TRPM1: variants seen among roughly 807,000 people sequenced by gnomAD.
TRPM1 encodes transient receptor potential cation channel subfamily M member 1.
In TRPM1, 113 loss-of-function variants were observed where a neutral mutation model predicts 149.4. The ratio of observed to expected loss-of-function variants is 0.76; its 90% CI spans 0.65 to 0.88. The LOEUF is 0.88. Ranked by LOEUF, TRPM1 falls within the 40% of genes least tolerant of loss-of-function variation. The probability of loss-of-function intolerance (pLI) is 0.00; values close to 1 mark genes in which losing one functional copy is unlikely to be tolerated. For synonymous variants in TRPM1, 741 were observed against 759.5 expected (o/e 0.98, Z 0.40); for missense variants, 1,976 against 2,038.7 (o/e 0.97, Z 0.59).
chr15:31,025,149 G>C (rs7182143), intron 27 of TRPM1, among the ~76,000 whole-genome samples: 1 of 152,004 alleles, frequency 6.6e-6, no homozygotes, highest in African/African-American at 2.4e-5. Context: ...CAATGTGTCT[G>C]TTAGGAAACT....
intron 11 of TRPM1, among the ~76,000 whole-genome samples, chr15:31,053,133 G>C (rs2033991268): frequency 6.6e-6 from 1 of 152,120 alleles, no homozygotes; most frequent in Non-Finnish European, 1.5e-5. Flanking sequence ...CTACAAAGCA[G>C]ATACACAAAT....
intron 1 of TRPM1, among the ~76,000 whole-genome samples, chr15:31,098,916 G>A (rs746912397): frequency 1.3e-5 from 2 of 152,188 alleles, no homozygotes; most frequent in Non-Finnish European, 2.9e-5. Context: ...AGCAGCGGGG[G>A]AGGGGAGTGC....
At chr15:31,124,044 G>A (rs1250856605) in intron 1 of TRPM1, among the ~76,000 whole-genome samples, 1 of 152,198 alleles carries the variant, frequency 6.6e-6, no homozygotes, top group African/African-American at 2.4e-5. Flanking sequence ...AGTACTTTGG[G>A]AGGCCAAAGT....
intron 1 of TRPM1, among the ~76,000 whole-genome samples, chr15:31,132,791 G>A (rs940458200): frequency 5.3e-5 from 8 of 152,122 alleles, no homozygotes; most frequent in African/African-American, 1.9e-4. Context: ...TTTTTCCTGC[G>A]CTGTTCCCGT....
chr15:31,088,388 T>C (rs1203469539), intron 1 of TRPM1, among the ~76,000 whole-genome samples: 1 of 152,212 alleles, frequency 6.6e-6, no homozygotes, highest in Non-Finnish European at 1.5e-5. Context: ...CAATAAATGT[T>C]ATTGCTGCAA....
At chr15:31,041,159 CTT>C (rs35680162) in intron 17 of TRPM1, among the ~76,000 whole-genome samples, 3 of 146,634 alleles carry the variant, frequency 2.0e-5, no homozygotes, top group Admixed American at 1.4e-4. Context: ...GTTCCTTCAA[CTT>C]TTTTTTTTTT....
At position 31,002,265 on chromosome 15, in the gene TRPM1, C is replaced by G. The variant is rs1400071824; in HGVS notation, c.4435G>C (p.Glu1479Gln). The change falls in exon 28 of 28, where the codon GAG becomes CAG. Residue 1479 changes from glutamate to glutamine, a missense_variant. Around this residue, in one of 3 missense-constraint regions of TRPM1, gnomAD observed 572 missense variants for 578.9 expected, o/e 0.99. Coordinates refer to ENST00000256552, the MANE Select transcript of TRPM1 (RefSeq NM_001252024.2). Reference sequence around the variant, plus strand: ...TGCTGGTCCGTGATTGAACTGTACTCTACATCCTGGTTAACCCCACCGACC... The same window carrying G: ...TGCTGGTCCGTGATTGAACTGTACTGTACATCCTGGTTAACCCCACCGACC... ...KLVGGVNQDV[E>Q]YSSITDQQLT... 6 of 1,614,136 alleles carry G rather than the reference C, an allele frequency of 3.7e-6. No individual in the cohort carries two copies. The highest frequency in any genetic ancestry group is 5.1e-6 in the Non-Finnish European group (6 of 1,180,056).
intron 27 of TRPM1, among the ~76,000 whole-genome samples, chr15:31,004,243 C>A (rs1454806386): frequency 6.6e-6 from 1 of 152,074 alleles, no homozygotes; most frequent in African/African-American, 2.4e-5. Context: ...CATCCTTATA[C>A]ATGTCCTCAC....
At chr15:31,114,640 T>C (rs1423196617) in intron 1 of TRPM1, among the ~76,000 whole-genome samples, 1 of 152,176 alleles carries the variant, frequency 6.6e-6, no homozygotes, top group African/African-American at 2.4e-5. Context: ...AGCTGACCTC[T>C]CAACAGAAGC....
At chr15:31,156,203 A>AAG (rs2036374954) in intron 1 of TRPM1, among the ~76,000 whole-genome samples, 1 of 149,162 alleles carries the variant, frequency 6.7e-6, no homozygotes, top group Middle Eastern at 3.2e-3. Flanking sequence ...GTCAAAAAAA[A>AAG]AAAAAAAAAA....
At chr15:31,114,951 G>GC (rs1376120870) in intron 1 of TRPM1, among the ~76,000 whole-genome samples, 1 of 152,194 alleles carries the variant, frequency 6.6e-6, no homozygotes, top group African/African-American at 2.4e-5. Flanking sequence ...ATAATATCTT[G>GC]CAGGAGTTAA....
chr15:31,132,437 A>G lies in TRPM1; in HGVS notation c.54+28469T>C, dbSNP rs1277144014. Among the ~76,000 whole-genome samples, 3 of 152,232 alleles carry G rather than the reference A, an allele frequency of 2.0e-5. No individual in the cohort carries two copies. The East Asian group carries it at 5.8e-4, about 29-fold the overall frequency. ...CCAAGGAGCCCTAGTCCTGCAACAG[A>G]GTAGCCACTGGCTACCCAGTGAAAT... On this transcript the variant is annotated intron_variant, in intron 1 of 26. Transcript: ENST00000542188.
chr15:31,038,396 C>T (rs2033498736), intron 18 of TRPM1, among the ~76,000 whole-genome samples: 1 of 152,170 alleles, frequency 6.6e-6, no homozygotes, highest in Admixed American at 6.5e-5. Flanking sequence ...GCAAACAGCA[C>T]TGTTGGTGAT....
chr15:31,068,896 C>T (rs1374041262), intron 4 of TRPM1, among the ~76,000 whole-genome samples: 1 of 152,172 alleles, frequency 6.6e-6, no homozygotes, highest in Non-Finnish European at 1.5e-5. Context: ...TTGGGCCTCC[C>T]AGACTCTAGA....
At chr15:31,155,378 C>T (rs2036355322) in intron 1 of TRPM1, among the ~76,000 whole-genome samples, 1 of 152,140 alleles carries the variant, frequency 6.6e-6, no homozygotes, top group Admixed American at 6.5e-5. Context: ...CATGGTTAGA[C>T]AAGGAAGCTC....
chr15:31,136,628 G>T (rs770511670), intron 1 of TRPM1, among the ~76,000 whole-genome samples: 1 of 152,028 alleles, frequency 6.6e-6, no homozygotes, highest in Admixed American at 6.5e-5. Context: ...AGTTCCCTCT[G>T]TTTTAATCCT....
chr15:31,088,495 C>T (rs1168988783), intron 1 of TRPM1, among the ~76,000 whole-genome samples: 1 of 152,176 alleles, frequency 6.6e-6, no homozygotes, highest in African/African-American at 2.4e-5. Context: ...CACGAACACA[C>T]CTGGAAAGAC....
exon 1 of TRPM1, chr15:31,161,038 G>C (rs958451363): frequency 2.3e-5 from 32 of 1,421,318 alleles, no homozygotes; most frequent in Admixed American, 5.9e-5. Flanking sequence ...GCCCTCCCTG[G>C]GTGGGCAGGA....
chr15:31,038,045 G>A lies in TRPM1; in HGVS notation c.2438C>T (p.Thr813Met), dbSNP rs377044822. The A allele has an allele frequency of 4.5e-5, 72 of 1,613,930 alleles. No individual in the cohort carries two copies. The highest frequency in any genetic ancestry group is 8.8e-5 in the South Asian group (8 of 91,074). Residue 813 changes from threonine to methionine, a missense_variant and splice_region_variant, in exon 19 of 28, where the codon ACG (threonine) becomes ATG (methionine). By Grantham distance (81) the Thr-to-Met change is moderately conservative. Transcript: ENST00000256552. The stretch of plus-strand genomic sequence containing the variant: ...CTTAGGGTCAAGTGTGTCACTGACC[G>A]TATTTTCCTCTTCTTTTTCTTTGCC... ...EDGKEKEEEN[T>M]DANADAGSRK...
Sources: allele counts gnomAD v4.1 joint callset (sites outside exome capture counted in the v4.1 genomes callset), GRCh38; gene constraint gnomAD v4.1.1; regional missense constraint gnomAD v4.1.1; transcripts MANE v1.5; gene names NCBI Gene and HGNC (gene_info 2026-07-23, HGNC 2026-07-21).